PNPLA3: variants seen among roughly 807,000 people sequenced by gnomAD.
The protein encoded by PNPLA3 is 1-acylglycerol-3-phosphate O-acyltransferase PNPLA3.
PNPLA3 carries 42 observed loss-of-function variants against 43.1 expected under a neutral mutation model. The ratio of observed to expected loss-of-function variants is 0.97; its 90% CI spans 0.76 to 1.26. PNPLA3 has a LOEUF of 1.26. Among genes scored for constraint, PNPLA3 ranks in the 50% most tolerant of loss-of-function variants. The probability of loss-of-function intolerance (pLI) is 0.00; values close to 1 mark genes in which losing one functional copy is unlikely to be tolerated. For synonymous variants in PNPLA3, 272 were observed against 253.6 expected (o/e 1.07, Z -0.69); for missense variants, 647 against 621.4 (o/e 1.04, Z -0.44).
At chr22:43,938,784 G>T (rs1315332563) in intron 6 of PNPLA3, among the ~76,000 whole-genome samples, 3 of 152,236 alleles carry the variant, frequency 2.0e-5, no homozygotes, top group Admixed American at 6.5e-5. Context: ...TCATTAAAGA[G>T]AGGGAATAAA....
At chr22:43,940,268 G>C (rs2050022955) in intron 7 of PNPLA3, 143 bp downstream of exon 7, 1 of 1,043,276 alleles carries the variant, frequency 9.6e-7, no homozygotes, top group Admixed American at 2.3e-5. Flanking sequence ...CAATGCCCCT[G>C]AATGTTGCCC....
chr22:43,937,607 C>T (rs1250400777), intron 6 of PNPLA3, among the ~76,000 whole-genome samples: 2 of 152,150 alleles, frequency 1.3e-5, no homozygotes, highest in African/African-American at 4.8e-5. Context: ...GTCTCCCTAA[C>T]ATGGCACCTG....
intron 1 of PNPLA3, among the ~76,000 whole-genome samples, chr22:43,925,455 C>T (rs886912351): frequency 3.9e-5 from 6 of 152,166 alleles, no homozygotes; most frequent in East Asian, 1.9e-4. Flanking sequence ...GACACCCAGA[C>T]GTCCCCAGGC....
intron 4 of PNPLA3, among the ~76,000 whole-genome samples, chr22:43,934,042 C>T (rs989979368): frequency 5.3e-5 from 8 of 152,122 alleles, no homozygotes; most frequent in African/African-American, 1.4e-4. Flanking sequence ...TCCTGCCAGG[C>T]GCGGTGGCTC....
intron 3 of PNPLA3, among the ~76,000 whole-genome samples, chr22:43,932,655 C>T (rs766609975): frequency 3.9e-5 from 6 of 152,194 alleles, no homozygotes; most frequent in Non-Finnish European, 8.8e-5. Flanking sequence ...ACACACTGTA[C>T]AACAGTAGAC....
At chr22:43,928,580 A>G (rs2049940372) in intron 2 of PNPLA3, among the ~76,000 whole-genome samples, 2 of 151,694 alleles carry the variant, frequency 1.3e-5, no homozygotes, top group Non-Finnish European at 2.9e-5. Context: ...CATGGGGAGC[A>G]AGGAGAGGAA....
intron 2 of PNPLA3, 59 bp from the exon 3 acceptor site, chr22:43,928,765 G>A (rs1025958661): frequency 9.6e-5 from 144 of 1,493,042 alleles, no homozygotes; most frequent in Middle Eastern, 1.7e-4. Context: ...GCTTATGAAG[G>A]ATCAGGAAAA....
chr22:43,940,945 C>T (rs1018469746), intron 7 of PNPLA3, among the ~76,000 whole-genome samples: 6 of 151,974 alleles, frequency 3.9e-5, no homozygotes, highest in African/African-American at 1.5e-4. Flanking sequence ...TCAAGACCAG[C>T]CTGGCCAACA....
At position 43,946,441 on chromosome 22, in the gene PNPLA3, T is replaced by C; in HGVS notation, c.*59T>C. 6.7e-7 allele frequency: 1 copy of C among 1,499,368 alleles called. No homozygotes were observed. 92.9% of individuals were successfully genotyped at this position (1,499,368 alleles called of 1,614,324 possible). ...CAGAGGTGCTAAAGTTTCCCATCTT[T>C]GTGCAGCTACCTCCGCATTGCTGTG... On this transcript the variant is annotated 3_prime_UTR_variant, in exon 9 of 9. Coordinates refer to ENST00000216180, the MANE Select transcript of PNPLA3 (RefSeq NM_025225.3).
intron 6 of PNPLA3, among the ~76,000 whole-genome samples, chr22:43,938,148 G>C (rs536475728): frequency 2.6e-5 from 4 of 152,260 alleles, no homozygotes; most frequent in African/African-American, 9.6e-5. Flanking sequence ...ATCGATGTTT[G>C]TTGTTTTATA....
chr22:43,940,596 G>T (rs965347573), intron 7 of PNPLA3, among the ~76,000 whole-genome samples: 2 of 152,084 alleles, frequency 1.3e-5, no homozygotes, highest in Non-Finnish European at 2.9e-5. Context: ...ATCATGTGAG[G>T]TCAGGAGTTT....
chr22:43,934,508 C>T, intron 4 of PNPLA3, 98 bp from the exon 5 acceptor site: 1 of 1,257,922 alleles, frequency 7.9e-7, no homozygotes, highest in Non-Finnish European at 1.2e-6. Flanking sequence ...TCAGAGCTTG[C>T]ATGATTCTTT....
At position 43,924,031 on chromosome 22, in the gene PNPLA3, G is replaced by T. The variant is rs982089475; in HGVS notation, c.120G>T (p.Ala40=). The T allele has an allele frequency of 1.1e-5, 17 of 1,581,098 alleles. No homozygotes were observed. The highest frequency in any genetic ancestry group is 1.4e-5 in the African/African-American group (1 of 72,202). ...SEHAPHLLRD[A]RMLFGASAGA... Reference sequence around the variant, plus strand: ...ACGCCCCGCACCTCCTCCGCGACGCGCGCATGTTGTTCGGCGCTTCGGCCG... The same window carrying T: ...ACGCCCCGCACCTCCTCCGCGACGCTCGCATGTTGTTCGGCGCTTCGGCCG... The change falls in exon 1 of 9, where the codon GCG becomes GCT. Residue 40 remains alanine, a synonymous_variant. Coordinates refer to ENST00000216180, the MANE Select transcript of PNPLA3 (RefSeq NM_025225.3).
At chr22:43,935,110 G>A (rs529810857) in intron 5 of PNPLA3, among the ~76,000 whole-genome samples, 3 of 152,282 alleles carry the variant, frequency 2.0e-5, no homozygotes, top group South Asian at 2.1e-4. Flanking sequence ...CACTAGACAA[G>A]TTTGCTCTTC....
chr22:43,940,112 G>C lies in PNPLA3; in HGVS notation c.1099G>C (p.Ala367Pro). ...PCTLPVESAI[A>P]IVQRLVTWLP... Reference sequence around the variant, plus strand: ...TACCCTGCCTGTGGAATCTGCCATTGCGATTGTCCAGAGGTGAGCATTTTA... The same window carrying C: ...TACCCTGCCTGTGGAATCTGCCATTCCGATTGTCCAGAGGTGAGCATTTTA... Residue 367 changes from alanine to proline, a missense_variant, in exon 7 of 9, where the codon GCG becomes CCG. Ala to Pro is a conservative substitution (Grantham distance 27). Coordinates refer to ENST00000216180, the MANE Select transcript of PNPLA3 (RefSeq NM_025225.3). The C allele has an allele frequency of 6.2e-7, 1 of 1,614,172 alleles. No individual in the cohort carries two copies. Among genetic ancestry groups the C allele is most frequent in the Non-Finnish European group, 8.5e-7 (1 of 1,180,008 alleles).
At chr22:43,934,495 G>A (rs957336823) in intron 4 of PNPLA3, 111 bp from the exon 5 acceptor site, 1 of 1,136,472 alleles carries the variant, frequency 8.8e-7, no homozygotes, top group Non-Finnish European at 1.3e-6. Context: ...CCAGCCAGCA[G>A]ACTCAGAGCT....
chr22:43,929,871 A>G (rs1165121262), intron 3 of PNPLA3, among the ~76,000 whole-genome samples: 1 of 152,176 alleles, frequency 6.6e-6, no homozygotes, highest in Non-Finnish European at 1.5e-5. Context: ...TGCTGAGATT[A>G]CAGGCGTGAG....
In PNPLA3 at chr22:43,927,149, C is replaced by T. The variant is rs1194038513; in HGVS notation, c.402C>T (p.Ser134=). ...ACGTTCTGGTGTCTGACTTTCGGTC[C>T]AAAGACGAAGTCGTGGATGTAAGCA... ...GENVLVSDFR[S]KDEVVDALVC... The change falls in exon 2 of 9, where the codon TCC becomes TCT. Residue 134 remains serine, a synonymous_variant. Transcript: ENST00000216180. The T allele has an allele frequency of 1.2e-6, 2 of 1,613,984 alleles. No individual in the cohort carries two copies. The highest frequency in any genetic ancestry group is 1.7e-6 in the Non-Finnish European group (2 of 1,179,982).
At position 43,946,045 on chromosome 22, in the gene PNPLA3, AGTGTGT is replaced by A. The variant is rs894006481; in HGVS notation, c.1218-105_1218-100del. 3 of 991,862 alleles carry A rather than the reference AGTGTGT, an allele frequency of 3.0e-6. No individual in the cohort carries two copies. In the Admixed American group the frequency reaches 5.5e-5, roughly 18 times the overall value. 61.4% of individuals were successfully genotyped at this position (991,862 alleles called of 1,614,324 possible). On this transcript the variant is annotated intron_variant, in intron 8 of 8. Coordinates refer to ENST00000216180, the MANE Select transcript of PNPLA3 (RefSeq NM_025225.3). ...GTCTCTGGCTGTGACGGCACCCTAG[AGTGTGT>A]GTGGTGCCCTCTACTGGCCGGCAAT... is the stretch of plus-strand genomic sequence containing the variant.
Sources: allele counts gnomAD v4.1 joint callset (sites outside exome capture counted in the v4.1 genomes callset), GRCh38; gene constraint gnomAD v4.1.1; transcripts MANE v1.5; gene names NCBI Gene and HGNC (gene_info 2026-07-23, HGNC 2026-07-21).